Variants in RALGPS2 observed in about 807,000 individuals in gnomAD.
RALGPS2 encodes the protein Ral GEF with PH domain and SH3 binding motif 2.
RALGPS2 carries 43 observed loss-of-function variants against 86.8 expected under a neutral mutation model. The observed-to-expected ratio is 0.50, with a 90% confidence interval of 0.39 to 0.64. The LOEUF is 0.64. Among genes scored for constraint, RALGPS2 ranks in the 30% least tolerant of loss-of-function variants. The pLI is 0.00. For missense variants in RALGPS2, 536 were observed against 694.6 expected, an observed-to-expected ratio of 0.77 and a Z score of 2.57; for synonymous variants, 243 against 231.3, an observed-to-expected ratio of 1.05 and a Z score of -0.46.
At chr1:178,900,992 A>G (rs1660149363) in intron 17 of RALGPS2, among the ~76,000 whole-genome samples, 1 of 152,108 alleles carries the variant, frequency 6.6e-6, no homozygotes, top group Non-Finnish European at 1.5e-5. Context: ...GTCGAAGTAC[A>G]TTATGAGCTG....
intron 1 of RALGPS2, among the ~76,000 whole-genome samples, chr1:178,733,553 T>C (rs1049969454): frequency 6.6e-6 from 1 of 152,234 alleles, no homozygotes; most frequent in African/African-American, 2.4e-5. Context: ...AGTTAAAAAA[T>C]CTGAAATACA....
intron 17 of RALGPS2, among the ~76,000 whole-genome samples, chr1:178,899,682 G>T (rs1255926116): frequency 6.8e-6 from 1 of 146,540 alleles, no homozygotes; most frequent in Non-Finnish European, 1.5e-5. Flanking sequence ...TATTTAACCT[G>T]AATCTTATGA....
chr1:178,770,551 C>T (rs1652750031), intron 1 of RALGPS2, among the ~76,000 whole-genome samples: 1 of 148,816 alleles, frequency 6.7e-6, no homozygotes, highest in Admixed American at 6.7e-5. Flanking sequence ...CACTCTCGCC[C>T]AGGCTGGAGT....
intron 5 of RALGPS2, among the ~76,000 whole-genome samples, chr1:178,808,529 A>G (rs1184217331): frequency 1.3e-5 from 2 of 151,852 alleles, no homozygotes; most frequent in South Asian, 2.1e-4. Flanking sequence ...TTTCTGTGTT[A>G]TTATTGGAAC....
At chr1:178,856,400 T>G (rs1657580471) in intron 8 of RALGPS2, among the ~76,000 whole-genome samples, 1 of 87,224 alleles carries the variant, frequency 1.1e-5, no homozygotes, top group African/African-American at 6.0e-5. Flanking sequence ...GCTAATTTTT[T>G]TTTTTTTTTT....
At chr1:178,892,331 G>A in intron 15 of RALGPS2, 24 bp downstream of exon 15, 1 of 1,598,128 alleles carries the variant, frequency 6.3e-7, no homozygotes, top group Non-Finnish European at 8.6e-7. Context: ...GCATTCAGGG[G>A]TCACAGAACT....
At chr1:178,835,659 C>A (rs1198005174) in intron 8 of RALGPS2, among the ~76,000 whole-genome samples, 1 of 152,132 alleles carries the variant, frequency 6.6e-6, no homozygotes, top group Non-Finnish European at 1.5e-5. Context: ...TCCCAAATTG[C>A]TGGGATTATA....
intron 8 of RALGPS2, among the ~76,000 whole-genome samples, chr1:178,847,236 AG>A (rs1443351159): frequency 6.6e-6 from 1 of 152,224 alleles, no homozygotes; most frequent in East Asian, 1.9e-4. Context: ...ACCTGAGGTC[AG>A]GAGTTCGAGA....
intron 1 of RALGPS2, among the ~76,000 whole-genome samples, chr1:178,763,097 A>G (rs1277746980): frequency 6.6e-6 from 1 of 152,198 alleles, no homozygotes; most frequent in Non-Finnish European, 1.5e-5. Flanking sequence ...CATTTATTGA[A>G]TAGGGAGTCT....
At chr1:178,853,045 G>T (rs1226502792) in intron 8 of RALGPS2, 8 of 1,486,744 alleles carry the variant, frequency 5.4e-6, no homozygotes, top group Middle Eastern at 2.0e-4. Context: ...ATAGCATAAA[G>T]ATACTGGCCA....
intron 2 of RALGPS2, among the ~76,000 whole-genome samples, chr1:178,781,463 T>C (rs1038510249): frequency 6.6e-6 from 1 of 152,170 alleles, no homozygotes; most frequent in Non-Finnish European, 1.5e-5. Context: ...TTAGAAGTTT[T>C]TGAGTCATGC....
chr1:178,812,750 C>G (rs551608653), intron 6 of RALGPS2, among the ~76,000 whole-genome samples: 23 of 152,234 alleles, frequency 1.5e-4, no homozygotes, highest in Admixed American at 5.2e-4. Flanking sequence ...ATGAGGATAT[C>G]ATGTTTACAG....
intron 6 of RALGPS2, among the ~76,000 whole-genome samples, chr1:178,816,008 C>A (rs1186943024): frequency 1.3e-5 from 2 of 152,114 alleles, no homozygotes; most frequent in African/African-American, 4.8e-5. Context: ...ATTGTTTTTA[C>A]TTTGGCTTTT....
chr1:178,885,351 G>T, intron 12 of RALGPS2, 140 bp downstream of exon 12: 9 of 779,918 alleles, frequency 1.2e-5, no homozygotes, highest in Non-Finnish European at 1.7e-5. Flanking sequence ...TCAGTAAAAT[G>T]CCTTGTTTGC....
chr1:178,831,914 A>T (rs1213619327), intron 7 of RALGPS2, among the ~76,000 whole-genome samples: 2 of 152,160 alleles, frequency 1.3e-5, no homozygotes, highest in Non-Finnish European at 2.9e-5. Flanking sequence ...AAATCATGTT[A>T]TAGTTTGTTA....
At chr1:178,765,206 G>T (rs1225034988) in intron 1 of RALGPS2, among the ~76,000 whole-genome samples, 5 of 151,404 alleles carry the variant, frequency 3.3e-5, no homozygotes, top group Non-Finnish European at 7.4e-5. Context: ...CCAGGCTGGA[G>T]TTCAGTGGTG....
chr1:178,725,770 C>T (rs1242277653), intron 1 of RALGPS2: 1 of 152,206 alleles, frequency 6.6e-6, no homozygotes, highest in African/African-American at 2.4e-5. Context: ...CAGCCTCCGC[C>T]CGCTCTGTTC....
In RALGPS2 at chr1:178,761,923, T is replaced by C. The variant is rs532773598; in HGVS notation, c.-83-14759T>C. Among the ~76,000 whole-genome samples the C allele has an allele frequency of 2.0e-5, 3 of 152,276 alleles. No homozygotes were observed. In the East Asian group the frequency reaches 5.8e-4, roughly 29 times the overall value. On this transcript the variant is annotated intron_variant, in intron 1 of 19. Coordinates refer to ENST00000367635, the MANE Select transcript of RALGPS2 (RefSeq NM_152663.5). ...TTTGTTATGTAGGTCAATTGTGTTT[T>C]GAGGGGTTTGATGTATAGATTTGTT...
At chr1:178,804,196 T>A (rs1233619965) in intron 4 of RALGPS2, among the ~76,000 whole-genome samples, 1 of 151,320 alleles carries the variant, frequency 6.6e-6, no homozygotes, top group Non-Finnish European at 1.5e-5. Flanking sequence ...GTTATTCGCA[T>A]CTTTCCAACC....
Sources: allele counts gnomAD v4.1 joint callset (sites outside exome capture counted in the v4.1 genomes callset), GRCh38; gene constraint gnomAD v4.1.1; transcripts MANE v1.5; gene names NCBI Gene and HGNC (gene_info 2026-07-23, HGNC 2026-07-21).